Variants in ANK3 observed in about 807,000 individuals in gnomAD.
The protein encoded by ANK3 is ankyrin 3.
Under a neutral mutation model 370.9 loss-of-function variants are expected in ANK3, and 57 were observed. The observed-to-expected ratio is 0.15, with a 90% CI of 0.12 to 0.19. The LOEUF is 0.19. Among genes scored for constraint, ANK3 ranks in the 10% least tolerant of loss-of-function variants. The pLI, the probability that ANK3 is intolerant of heterozygous loss-of-function variation, is 1.00. For synonymous variants in ANK3, 1,929 were observed against 1,946.3 expected, an observed-to-expected ratio of 0.99 and a Z score of 0.23; for missense variants, 4,439 against 5,302.1, an observed-to-expected ratio of 0.84 and a Z score of 5.06.
At chr10:60,451,891 G>T (rs1342978557) in intron 2 of ANK3, among the ~76,000 whole-genome samples, 10 of 152,138 alleles carry the variant, frequency 6.6e-5, no homozygotes, top group Admixed American at 2.6e-4. Context: ...TATACCAAGG[G>T]TTTCCACTGT....
Position 60,277,627 on chromosome 10 carries a change from C to T in ANK3, c.414+1147G>A, listed in dbSNP as rs78130946. 1.8e-3 allele frequency among the ~76,000 whole-genome samples: 272 copies of T among 152,144 alleles called. 3 individuals carry two copies. Among genetic ancestry groups the T allele is most frequent in the East Asian group, 5.0e-3 (26 of 5,172 alleles). ...TTTTCAAATCATTCTTATATGAAAC[C>T]GCTAACAGGAAATCATCCTAACTTT... On this transcript the variant is annotated intron_variant, in intron 4 of 43. Coordinates refer to ENST00000280772, the MANE Select transcript of ANK3 (RefSeq NM_020987.5).
chr10:60,401,918 A>T (rs552642618), intron 2 of ANK3, among the ~76,000 whole-genome samples: 9 of 152,320 alleles, frequency 5.9e-5, no homozygotes, highest in South Asian at 2.1e-4. Context: ...GCTAGGCTAA[A>T]ATATATACTG....
chr10:60,687,722 A>G (rs1331512381), intron 1 of ANK3, among the ~76,000 whole-genome samples: 1 of 152,220 alleles, frequency 6.6e-6, no homozygotes, highest in East Asian at 1.9e-4. Context: ...GTATTTATCC[A>G]AAAGAATTGA....
chr10:60,698,402 G>A (rs557040760), intron 1 of ANK3, among the ~76,000 whole-genome samples: 12 of 151,924 alleles, frequency 7.9e-5, no homozygotes, highest in Non-Finnish European at 1.6e-4. Flanking sequence ...CCATTACTGG[G>A]TATATACCCA....
intron 1 of ANK3, among the ~76,000 whole-genome samples, chr10:60,383,354 T>TC (rs2061804465): frequency 3.3e-5 from 5 of 152,254 alleles, no homozygotes; most frequent in African/African-American, 1.2e-4. Context: ...TACAACCCTA[T>TC]CCTAAGCACA....
intron 2 of ANK3, among the ~76,000 whole-genome samples, chr10:60,395,550 CTCTTTCTTTCTTTCTTTCTTTCTTTCTT>C (rs58204421): frequency 1.2e-4 from 13 of 108,384 alleles, no homozygotes; most frequent in African/African-American, 4.1e-4. Flanking sequence ...ACTACTATGC[CTCTTTCTTTCTTTCTTTCTTTCTTTCTT>C]TCTTTCTTTC....
intron 1 of ANK3, among the ~76,000 whole-genome samples, chr10:60,323,580 C>G (rs1185038726): frequency 6.6e-6 from 1 of 151,982 alleles, no homozygotes; most frequent in Non-Finnish European, 1.5e-5. Flanking sequence ...GAGATGTCTC[C>G]AATGGAAATA....
intron 1 of ANK3, among the ~76,000 whole-genome samples, chr10:60,336,460 G>A (rs1257483680): frequency 1.3e-5 from 2 of 152,128 alleles, no homozygotes; most frequent in Non-Finnish European, 2.9e-5. Flanking sequence ...TTTCCTGCAG[G>A]AATGCATTTC....
At position 60,672,358 on chromosome 10, in the gene ANK3, G is replaced by A. The variant is rs774215114; in HGVS notation, c.58-57134C>T. Reference sequence around the variant, plus strand: ...GGGGTCTGATCACTGGAAGGACCAGGCCATGATTAGAAGCTTGGAATTTTC... The same window carrying A: ...GGGGTCTGATCACTGGAAGGACCAGACCATGATTAGAAGCTTGGAATTTTC... On this transcript the variant is annotated intron_variant, in intron 1 of 43. Transcript: ENST00000373827. 5.9e-5 allele frequency among the ~76,000 whole-genome samples: 9 copies of A among 152,276 alleles called. 1 individual carries two copies. Among genetic ancestry groups the A allele is most frequent in the East Asian group, 3.9e-4 (2 of 5,170 alleles).
intron 17 of ANK3, among the ~76,000 whole-genome samples, chr10:60,181,767 T>C (rs1254768807): frequency 3.6e-4 from 54 of 151,944 alleles, no homozygotes; most frequent in Admixed American, 3.4e-3. Context: ...GATAGCGCCA[T>C]TGCACTCCAG....
chr10:60,443,297 G>C (rs2064347417), intron 2 of ANK3, among the ~76,000 whole-genome samples: 1 of 152,146 alleles, frequency 6.6e-6, no homozygotes, highest in Non-Finnish European at 1.5e-5. Context: ...AAATGTGTGT[G>C]TGTGTGCGTG....
At chr10:60,338,793 C>A (rs866095837) in intron 1 of ANK3, among the ~76,000 whole-genome samples, 1 of 152,176 alleles carries the variant, frequency 6.6e-6, no homozygotes, top group Admixed American at 6.5e-5. Context: ...TCCCCCATAG[C>A]GGGAGTTTAA....
intron 23 of ANK3, chr10:60,146,050 A>G (rs2094807441): frequency 6.6e-7 from 1 of 1,521,924 alleles, no homozygotes; most frequent in South Asian, 1.2e-5. Context: ...AAATTAACAA[A>G]ATAAAACAAA....
chr10:60,641,302 A>C (rs1331747435), intron 1 of ANK3, among the ~76,000 whole-genome samples: 13 of 151,470 alleles, frequency 8.6e-5, no homozygotes, highest in Non-Finnish European at 1.8e-4. Flanking sequence ...TATGGAACCA[A>C]AAAAGAGCCC....
intron 1 of ANK3, among the ~76,000 whole-genome samples, chr10:60,727,862 A>T (rs1173141880): frequency 2.0e-5 from 3 of 152,190 alleles, no homozygotes; most frequent in Admixed American, 2.0e-4. Flanking sequence ...CTAAACTATG[A>T]CATTTTGAAA....
intron 7 of ANK3, among the ~76,000 whole-genome samples, chr10:60,241,938 C>A (rs1330843356): frequency 2.0e-5 from 3 of 152,138 alleles, no homozygotes; most frequent in Admixed American, 2.0e-4. Flanking sequence ...TTACAGTACA[C>A]AGCAAGTTTA....
intron 2 of ANK3, among the ~76,000 whole-genome samples, chr10:60,610,171 C>G (rs927089657): frequency 6.6e-6 from 1 of 152,052 alleles, no homozygotes; most frequent in African/African-American, 2.4e-5. Context: ...TAAATATTTA[C>G]GAAGCATGAA....
chr10:60,555,469 T>G (rs1468827276), intron 2 of ANK3, among the ~76,000 whole-genome samples: 1 of 151,478 alleles, frequency 6.6e-6, no homozygotes, highest in African/African-American at 2.4e-5. Context: ...TGGGACCCTG[T>G]CTCCAAAAAT....
rs185121821 is a variant in ANK3 at position 60,162,193 on chromosome 10, T to C, written c.2614+4398A>G. 2.8e-3 allele frequency among the ~76,000 whole-genome samples: 428 copies of C among 152,306 alleles called. 1 individual carries two copies. The highest frequency in any genetic ancestry group is 4.3e-3 in the Non-Finnish European group (294 of 68,014). ...ATATAAGAAACATTTCAAGTTGGAA[T>C]AGCAATGAAAGAGATGATCTATGCA... On this transcript the variant is annotated intron_variant, in intron 23 of 43. Transcript: ENST00000280772.
Sources: allele counts gnomAD v4.1 joint callset (sites outside exome capture counted in the v4.1 genomes callset), GRCh38; gene constraint gnomAD v4.1.1; transcripts MANE v1.5; gene names NCBI Gene and HGNC (gene_info 2026-07-23, HGNC 2026-07-21).